Variants in CAPN13 observed in about 807,000 individuals in gnomAD.
The protein encoded by CAPN13 is calpain-13.
Under a neutral mutation model 98.4 loss-of-function variants are expected in CAPN13, and 90 were observed. The ratio of observed to expected loss-of-function variants is 0.92; its 90% CI spans 0.77 to 1.09. CAPN13 has a LOEUF of 1.09. Among genes scored for constraint, CAPN13 ranks in the 50% least tolerant of loss-of-function variants. The pLI is 0.00. For missense variants in CAPN13, 887 were observed against 841.3 expected (o/e 1.05, Z -0.67); for synonymous variants, 330 against 305.5 (o/e 1.08, Z -0.84).
At chr2:30,781,383 A>T (rs1436932734) in intron 2 of CAPN13, among the ~76,000 whole-genome samples, 1 of 152,184 alleles carries the variant, frequency 6.6e-6, no homozygotes, top group Non-Finnish European at 1.5e-5. Flanking sequence ...TTAATTTTAT[A>T]TACCATCCTA....
intron 4 of CAPN13, among the ~76,000 whole-genome samples, chr2:30,773,385 A>G (rs1371253896): frequency 6.6e-6 from 1 of 152,240 alleles, no homozygotes; most frequent in African/African-American, 2.4e-5. Context: ...TAAAGGTTTA[A>G]TTAGAACAAA....
intron 1 of CAPN13, among the ~76,000 whole-genome samples, chr2:30,803,016 A>G (rs556121188): frequency 6.6e-6 from 1 of 152,278 alleles, no homozygotes; most frequent in African/African-American, 2.4e-5. Flanking sequence ...CTGGAGTCCC[A>G]GGAGCCAGCC....
chr2:30,790,772 C>T (rs984536997), intron 1 of CAPN13, among the ~76,000 whole-genome samples: 3 of 152,200 alleles, frequency 2.0e-5, no homozygotes, highest in Non-Finnish European at 2.9e-5. Flanking sequence ...ACATGCTTAG[C>T]GTTCCAATAA....
intron 4 of CAPN13, among the ~76,000 whole-genome samples, chr2:30,771,903 A>G (rs987912514): frequency 6.6e-6 from 1 of 152,362 alleles, no homozygotes; most frequent in Admixed American, 6.5e-5. Context: ...GAGATTATGA[A>G]AACAAGATTG....
intron 20 of CAPN13, among the ~76,000 whole-genome samples, chr2:30,731,904 G>A (rs571905767): frequency 2.6e-5 from 4 of 152,296 alleles, no homozygotes; most frequent in East Asian, 3.9e-4. Flanking sequence ...TGAGTGGGGA[G>A]GGGTCTGGCC....
rs760740473 is a variant in CAPN13, at chr2:30,753,092, T to C, written c.1048A>G (p.Ile350Val). The C allele has an allele frequency of 2.5e-6, 4 of 1,613,922 alleles. No homozygotes were observed. Among genetic ancestry groups the C allele is most frequent in the Non-Finnish European group, 3.4e-6 (4 of 1,179,896 alleles). Residue 350 changes from isoleucine to valine, a missense_variant, in exon 10 of 23, where the codon ATA becomes GTA. By Grantham distance (29) the Ile-to-Val change is conservative. Transcript: ENST00000295055. The stretch of plus-strand genomic sequence containing the variant: ...AGAATCACTTGCTTCCTAAACATTA[T>C]TTGGGACCATCCTTCGTGGAGTGTG... Reference protein sequence around the residue: ...GNTLHEGWSQIMFRKQVILGN... With the variant: ...GNTLHEGWSQVMFRKQVILGN...
intron 20 of CAPN13, 128 bp from the exon 21 acceptor site, chr2:30,731,527 G>T: frequency 1.4e-6 from 1 of 716,390 alleles, no homozygotes; most frequent in Non-Finnish European, 2.2e-6. Flanking sequence ...CTGCTCCGCG[G>T]GGTGTGCCTG....
chr2:30,799,653 C>A (rs909425898), intron 1 of CAPN13, among the ~76,000 whole-genome samples: 4 of 152,186 alleles, frequency 2.6e-5, no homozygotes, highest in Admixed American at 1.3e-4. Flanking sequence ...TGTGTCTAAT[C>A]AGGGCTGAGA....
chr2:30,801,601 T>A (rs1273114198), intron 1 of CAPN13, among the ~76,000 whole-genome samples: 3 of 115,184 alleles, frequency 2.6e-5, no homozygotes, highest in Admixed American at 1.0e-4. Context: ...GGAGACTCAG[T>A]CTTAAAAAAA....
At chr2:30,794,838 G>A (rs1674777854) in intron 1 of CAPN13, among the ~76,000 whole-genome samples, 1 of 151,888 alleles carries the variant, frequency 6.6e-6, no homozygotes, top group African/African-American at 2.4e-5. Flanking sequence ...GCAAACTAAT[G>A]TACCATGACA....
chr2:30,786,024 T>C (rs181167926), intron 2 of CAPN13, among the ~76,000 whole-genome samples: 8 of 132,430 alleles, frequency 6.0e-5, no homozygotes, highest in Admixed American at 2.7e-4. Context: ...TGCCCCAACG[T>C]AGGGCAAGAG....
At chr2:30,788,451 G>A (rs1211653812) in intron 1 of CAPN13, among the ~76,000 whole-genome samples, 1 of 152,176 alleles carries the variant, frequency 6.6e-6, no homozygotes, top group Non-Finnish European at 1.5e-5. Context: ...CTCCATCTGT[G>A]AGGCTGGCCT....
chr2:30,764,245 T>C lies in CAPN13; in HGVS notation c.586A>G (p.Thr196Ala), dbSNP rs746548636. 1.9e-6 allele frequency: 3 copies of C among 1,613,498 alleles called. No individual in the cohort carries two copies. The highest frequency in any genetic ancestry group is 4.5e-5 in the East Asian group (2 of 44,884). The change falls in exon 6 of 23, where the codon ACA (threonine) becomes GCA (alanine). Residue 196 changes from threonine to alanine, a missense_variant. By Grantham distance (58) the Thr-to-Ala change is moderately conservative (BLOSUM62 0). Transcript: ENST00000295055. ...GFLEDALVDL[T>A]GGVITNIHLH... Reference sequence around the variant, plus strand: ...TGGATGTTGGTGATCACGCCTCCTGTGAGGTCCACCAGGGCATCCTCGAGG... The same window carrying C: ...TGGATGTTGGTGATCACGCCTCCTGCGAGGTCCACCAGGGCATCCTCGAGG...
At chr2:30,776,085 A>T (rs1249474199) in intron 3 of CAPN13, 40 bp from the exon 4 acceptor site, 1 of 1,368,078 alleles carries the variant, frequency 7.3e-7, no homozygotes, top group Non-Finnish European at 1.0e-6. Context: ...GATTGGACAC[A>T]CTTGGAAACC....
chr2:30,729,519 AT>A (rs2147940427), intron 22 of CAPN13: 1 of 152,344 alleles, frequency 6.6e-6, no homozygotes, highest in South Asian at 2.1e-4. Flanking sequence ...TTGAAGAATC[AT>A]TTTTGATATT....
intron 18 of CAPN13, 38 bp from the exon 19 acceptor site, chr2:30,734,562 C>G (rs1671264482): frequency 6.6e-7 from 1 of 1,517,332 alleles, no homozygotes; most frequent in South Asian, 1.1e-5. Context: ...TGTGTGAAGA[C>G]TGGGAAGGTC....
chr2:30,763,798 A>T (rs920642614), intron 6 of CAPN13, among the ~76,000 whole-genome samples: 2 of 152,342 alleles, frequency 1.3e-5, no homozygotes, highest in East Asian at 3.9e-4. Context: ...GTGCATGGTA[A>T]AGCCCACTGG....
intron 7 of CAPN13, among the ~76,000 whole-genome samples, chr2:30,760,947 A>T (rs1672820916): frequency 6.6e-6 from 1 of 152,252 alleles, no homozygotes. Flanking sequence ...TCTACCCTGC[A>T]GTAGTACTTC....
chr2:30,794,098 T>C (rs1674733666), intron 1 of CAPN13, among the ~76,000 whole-genome samples: 2 of 151,278 alleles, frequency 1.3e-5, no homozygotes, highest in Non-Finnish European at 3.0e-5. Flanking sequence ...AAAGACACCA[T>C]TAAAAAAACA....
Sources: gnomAD v4.1 joint callset for allele counts (sites outside exome capture counted in the v4.1 genomes callset) on GRCh38, gnomAD v4.1.1 for gene constraint, MANE v1.5 for transcripts, NCBI Gene and HGNC (gene_info 2026-07-23, HGNC 2026-07-21) for gene names.